MCM7: variants seen among roughly 807,000 people sequenced by gnomAD.
The protein encoded by MCM7 is DNA replication licensing factor MCM7.
MCM7 carries 95 observed loss-of-function variants against 83.5 expected under a neutral mutation model. That is an observed-to-expected ratio of 1.14 (90% CI 0.96 to 1.35). The LOEUF is 1.35. Ranked by LOEUF, MCM7 falls within the 40% of genes most tolerant of loss-of-function variation. The pLI is 0.00. For synonymous variants in MCM7, 461 were observed against 352.7 expected (o/e 1.31, Z -3.44); for missense variants, 1,087 against 957.4 (o/e 1.14, Z -1.79).
intron 1 of MCM7, chr7:100,100,985 G>A: frequency 1.1e-6 from 1 of 907,786 alleles, no homozygotes; most frequent in Non-Finnish European, 1.6e-6. Context: ...ACTTTTCCCT[G>A]TGCAGCCCCC....
In MCM7 at chr7:100,095,464, G is replaced by T. The variant is rs779842251; in HGVS notation, c.1602C>A (p.Ala534=). ...RPDRDNDLRL[A]QHITYVHQHS... is the part of the protein sequence containing the mutation. ...GCTGGTGCACATAGGTGATGTGCTG[G>T]GCCAACCTGGACAGAGGGAAGGTTA... The change falls in exon 12 of 15, where the codon GCC becomes GCA. Residue 534 remains alanine (A), a synonymous_variant. Transcript: ENST00000303887. 1 of 1,614,038 alleles carries T rather than the reference G, an allele frequency of 6.2e-7. No individual in the cohort carries two copies. Among genetic ancestry groups the T allele is most frequent in the Non-Finnish European group, 8.5e-7 (1 of 1,179,982 alleles).
At chr7:100,098,812 C>G (rs1795779483) in intron 5 of MCM7, 97 bp from the exon 6 acceptor site, 1 of 1,513,656 alleles carries the variant, frequency 6.6e-7, no homozygotes, top group Admixed American at 1.9e-5. Context: ...TGGCAGACAT[C>G]TTGTAAGTGT....
Position 100,101,354 on chromosome 7 carries a change from C to T in MCM7, c.-60G>A. ...CTCAGAGGTCTTGCTCCTGGGGAAG[C>T]TGAGAATCTCCGCGCGGTGGACTGT... On this transcript the variant is annotated 5_prime_UTR_variant, in exon 1 of 15. Transcript: ENST00000303887. 6.2e-7 allele frequency: 1 copy of T among 1,607,892 alleles called. No individual in the cohort carries two copies. The highest frequency in any genetic ancestry group is 1.7e-5 in the Admixed American group (1 of 59,702).
Position 100,092,884 on chromosome 7 carries a change from C to T in MCM7, c.*48G>A. ...GGCATCACTGCCCCTTCCCAAGGGG[C>T]AGGCCAGCAGGGAACAAGAGGACCC... On this transcript the variant is annotated 3_prime_UTR_variant, in exon 15 of 15. Transcript: ENST00000303887. The T allele has an allele frequency of 6.2e-7, 1 of 1,605,938 alleles. No individual in the cohort carries two copies. Among genetic ancestry groups the T allele is most frequent in the Non-Finnish European group, 8.5e-7 (1 of 1,172,748 alleles).
In MCM7 at chr7:100,099,190, G is replaced by C; in HGVS notation, c.415C>G (p.Gln139Glu). The change falls in exon 5 of 15, where the codon CAA becomes GAA. Residue 139 changes from glutamine to glutamate, a missense_variant. Transcript: ENST00000303887. ...CGAGGCTTGTTGCTGCTAGGGCCTT[G>C]AAAATACAGCTCACTAAGGGGAGAA... Reference protein sequence around the residue: ...ELMRRFELYFQGPSSNKPRVI... With the variant: ...ELMRRFELYFEGPSSNKPRVI... 6.2e-7 allele frequency: 1 copy of C among 1,614,092 alleles called. No homozygotes were observed. The highest frequency in any genetic ancestry group is 1.1e-5 in the South Asian group (1 of 91,084).
At chr7:100,094,393 G>A in intron 12 of MCM7, 52 bp from the exon 13 acceptor site, 1 of 1,602,528 alleles carries the variant, frequency 6.2e-7, no homozygotes, top group Non-Finnish European at 8.5e-7. Context: ...GGAAGGGAGT[G>A]AATATGAGCC....
chr7:100,098,119 CTCA>C lies in MCM7; in HGVS notation c.870+19_870+21del. 6.2e-7 allele frequency: 1 copy of C among 1,612,840 alleles called. No homozygotes were observed. The highest frequency in any genetic ancestry group is 1.1e-5 in the South Asian group (1 of 90,946). On this transcript the variant is annotated intron_variant, in intron 7 of 14. Coordinates refer to ENST00000303887, the MANE Select transcript of MCM7 (RefSeq NM_005916.5). The stretch of plus-strand genomic sequence containing the variant: ...TGAGGGAAAAGGGGATGATCCATTC[CTCA>C]TGTCAAACTCTTCCTTACCTGTACC...
chr7:100,098,711 T>C lies in MCM7; in HGVS notation c.587A>G (p.Gln196Arg). ...QCGAETYQPI[Q>R]SPTFMPLIMC... is the part of the protein sequence containing the mutation. ...GATCAGAGGCATGAAAGTGGGAGACTGGATCTAGGATGTGAGAACAGAAAC... is the reference window on the plus strand; with the variant it reads ...GATCAGAGGCATGAAAGTGGGAGACCGGATCTAGGATGTGAGAACAGAAAC... Residue 196 changes from glutamine to arginine, a missense_variant, in exon 6 of 15, where the codon CAG (glutamine) becomes CGG (arginine). Physicochemically the swap from Gln to Arg is conservative, Grantham distance 43. Transcript: ENST00000303887. The C allele has an allele frequency of 1.9e-6, 3 of 1,614,122 alleles. No individual in the cohort carries two copies. The highest frequency in any genetic ancestry group is 1.6e-4 in the Middle Eastern group (1 of 6,062).
At position 100,097,886 on chromosome 7, in the gene MCM7, A is replaced by C. The variant is rs770646640; in HGVS notation, c.933T>G (p.Asp311Glu). Residue 311 changes from aspartate to glutamate, a missense_variant, in exon 8 of 15, where the codon GAT becomes GAG. Physicochemically the swap from Asp to Glu is conservative, Grantham distance 45. Transcript: ENST00000303887. Reference protein sequence around the residue: ...HRIVKMNKSEDDESGAGELTR... With the variant: ...HRIVKMNKSEEDESGAGELTR... Reference sequence around the variant, plus strand: ...TGAGCTCTCCAGCCCCAGACTCATCATCCTCACTCTTGTTCATCTTCACAA... The same window carrying C: ...TGAGCTCTCCAGCCCCAGACTCATCCTCCTCACTCTTGTTCATCTTCACAA... 1 of 1,614,030 alleles carries C rather than the reference A, an allele frequency of 6.2e-7. No individual in the cohort carries two copies. Among genetic ancestry groups the C allele is most frequent in the Non-Finnish European group, 8.5e-7 (1 of 1,180,016 alleles).
Position 100,095,932 on chromosome 7 carries a change from A to G in MCM7, c.1437T>C (p.Asn479=). The change falls in exon 11 of 15, where the codon AAT becomes AAC. Residue 479 remains asparagine, a synonymous_variant. Transcript: ENST00000303887. ...CGGCAGCCAGGATGGAGCAGCGGGCATTGAGTGTGGTGAGAATGCCGGCCT... is the reference window on the plus strand; with the variant it reads ...CGGCAGCCAGGATGGAGCAGCGGGCGTTGAGTGTGGTGAGAATGCCGGCCT... The part of the protein sequence containing the change: ...IAKAGILTTL[N]ARCSILAAAN... 6.2e-7 allele frequency: 1 copy of G among 1,614,046 alleles called. No individual in the cohort carries two copies. Among genetic ancestry groups the G allele is most frequent in the Non-Finnish European group, 8.5e-7 (1 of 1,179,988 alleles).
chr7:100,100,214 G>A (rs1296053175), intron 1 of MCM7, 121 bp from the exon 2 acceptor site: 6 of 1,456,500 alleles, frequency 4.1e-6, no homozygotes, highest in East Asian at 5.1e-5. Context: ...TAAACCTACC[G>A]AAGTCTCCCC....
intron 1 of MCM7, chr7:100,100,511 C>T: frequency 1.0e-6 from 1 of 1,004,414 alleles, no homozygotes. Flanking sequence ...CCGCTCCCGC[C>T]ATCGCTTCCG....
chr7:100,097,177 C>A, intron 10 of MCM7, 124 bp downstream of exon 10: 1 of 801,780 alleles, frequency 1.2e-6, no homozygotes, highest in South Asian at 1.7e-5. Context: ...AAATGATTCT[C>A]CTGCCTCAGC....
rs769521197 is a variant in MCM7, at chr7:100,098,186, A to G, written c.825T>C (p.Gly275=). ...CAGTGCGCAGGATTGGCAAGAAAAT[A>G]CCAGTGACGCTGACGTGGTCTCCAG... ...AQPGDHVSVT[G]IFLPILRTGF... Residue 275 remains glycine (G), a synonymous_variant, in exon 7 of 15, where the codon GGT becomes GGC. Coordinates refer to ENST00000303887, the MANE Select transcript of MCM7 (RefSeq NM_005916.5). 1.4e-5 allele frequency: 22 copies of G among 1,614,178 alleles called. No homozygotes were observed. The highest frequency in any genetic ancestry group is 1.7e-5 in the Non-Finnish European group (20 of 1,180,030).
In MCM7 at chr7:100,093,366, T is replaced by A. The variant is rs943134225; in HGVS notation, c.1884A>T (p.Glu628Asp). 30 of 1,613,990 alleles carry A rather than the reference T, an allele frequency of 1.9e-5. No homozygotes were observed. Among genetic ancestry groups the A allele is most frequent in the African/African-American group, 2.7e-5 (2 of 74,930 alleles). ...RLRMVDVVEK[E>D]DVNEAIRLME... Reference sequence around the variant, plus strand: ...TTAGCCTGATGGCTTCATTCACATCTTCTTTCTCCACCACATCCACCATTC... The same window carrying A: ...TTAGCCTGATGGCTTCATTCACATCATCTTTCTCCACCACATCCACCATTC... The change falls in exon 14 of 15, where the codon GAA becomes GAT. Residue 628 changes from glutamate (E) to aspartate (D), a missense_variant. Transcript: ENST00000303887.
chr7:100,093,988 CG>C (rs1382956078), intron 13 of MCM7, 184 bp downstream of exon 13: 3 of 807,844 alleles, frequency 3.7e-6, no homozygotes, highest in Non-Finnish European at 6.6e-6. Flanking sequence ...GGACGCTGTG[CG>C]TGCCCTGCTG....
intron 10 of MCM7, among the ~76,000 whole-genome samples, chr7:100,096,497 C>T (rs147403063): frequency 5.8e-4 from 88 of 152,312 alleles, no homozygotes; most frequent in Middle Eastern, 3.4e-3. Flanking sequence ...AGAGGCCGGG[C>T]GCAGTGGCTA....
intron 13 of MCM7, 37 bp from the exon 14 acceptor site, chr7:100,093,438 G>A (rs1312850622): frequency 3.2e-6 from 5 of 1,583,422 alleles, no homozygotes; most frequent in African/African-American, 1.3e-5. Context: ...GGGAACGGGA[G>A]GAGGGCAGTG....
In MCM7 at chr7:100,093,150, G is replaced by T; in HGVS notation, c.1959-17C>A. On this transcript the variant is annotated splice_polypyrimidine_tract_variant and intron_variant, in intron 14 of 14. Transcript: ENST00000303887. ...CTCTGAGTCCTGAAGGAAATGAGTG[G>T]GTGTGTAAGGTCAGGATACAAACAG... 6.2e-7 allele frequency: 1 copy of T among 1,612,068 alleles called. No homozygotes were observed. Among genetic ancestry groups the T allele is most frequent in the Non-Finnish European group, 8.5e-7 (1 of 1,178,622 alleles).
Sources: allele counts gnomAD v4.1 joint callset (sites outside exome capture counted in the v4.1 genomes callset), GRCh38; gene constraint gnomAD v4.1.1; transcripts MANE v1.5; gene names NCBI Gene and HGNC (gene_info 2026-07-23, HGNC 2026-07-21).